SORBS3: variants seen among roughly 807,000 people sequenced by gnomAD.
SORBS3 encodes the protein sorbin and SH3 domain containing 3.
A neutral mutation model predicts 98.0 loss-of-function variants in SORBS3; 69 were observed. The observed-to-expected ratio is 0.70, with a 90% CI of 0.58 to 0.86. The LOEUF (loss-of-function observed/expected upper bound fraction) is 0.86, where lower values mean the gene tolerates loss of function less well. SORBS3 is among the 40% of genes least tolerant of loss of function. The probability of loss-of-function intolerance (pLI) is 0.00; values close to 1 mark genes in which losing one functional copy is unlikely to be tolerated. For synonymous variants in SORBS3, 394 were observed against 355.4 expected, an observed-to-expected ratio of 1.11 and a Z score of -1.22; for missense variants, 954 against 908.5, an observed-to-expected ratio of 1.05 and a Z score of -0.64.
chr8:22,570,679 T>C (rs1187046471), intron 17 of SORBS3, among the ~76,000 whole-genome samples: 1 of 152,142 alleles, frequency 6.6e-6, no homozygotes, highest in Non-Finnish European at 1.5e-5. Flanking sequence ...TGCACACCCG[T>C]TGAGCTTCCA....
chr8:22,571,765 C>A lies in SORBS3; in HGVS notation c.1791C>A (p.Ser597Arg). ...GPALSHSRGPSHPLDLGTSSP... is the reference protein window; with the variant it reads ...GPALSHSRGPRHPLDLGTSSP... ...CTCTGTCCCACTCTCGAGGTCCCAG[C>A]CATCCCCTGGACCTGGGGACCTCCT... The change falls in exon 19 of 21, where the codon AGC (serine) becomes AGA (arginine). Residue 597 changes from serine (S) to arginine (R), a missense_variant. Transcript: ENST00000240123. 6.2e-7 allele frequency: 1 copy of A among 1,613,992 alleles called. No individual in the cohort carries two copies. The highest frequency in any genetic ancestry group is 1.1e-5 in the South Asian group (1 of 91,082).
chr8:22,554,805 C>T lies in SORBS3; in HGVS notation c.103-58C>T, dbSNP rs895716998. ...AGGGGTGTGGGCTGTGCCTAGTAGC[C>T]ATCCCTCCCTCCCGCCCTGCTGGGC... On this transcript the variant is annotated intron_variant, in intron 2 of 20. Coordinates refer to ENST00000240123, the MANE Select transcript of SORBS3 (RefSeq NM_005775.5). The surrounding 1 kb of genome is among the most constrained non-coding windows in gnomAD (Gnocchi z 6.5). 3 of 1,448,732 alleles carry T rather than the reference C, an allele frequency of 2.1e-6. No individual in the cohort carries two copies. The African/African-American group carries it at 4.2e-5, about 20-fold the overall frequency. 89.7% of individuals were successfully genotyped at this position (1,448,732 alleles called of 1,614,324 possible). A position where few individuals can be genotyped will look rare whatever the true frequency, so the allele number is the denominator to read the frequency against.
In SORBS3 at chr8:22,571,188, C is replaced by A. The variant is rs1840573670; in HGVS notation, c.1710C>A (p.Ser570=). Residue 570 remains serine (S), a synonymous_variant, in exon 18 of 21, where the codon TCC becomes TCA. Coordinates refer to ENST00000240123, the MANE Select transcript of SORBS3 (RefSeq NM_005775.5). ...CCTCCCCCCGTCGCACTGGCTTCTC[C>A]TTCCCCACCCAGGAGCCTAGACCCC... The part of the protein sequence containing the change: ...GQTSPRRTGF[S]FPTQEPRPQT... 1.9e-6 allele frequency: 3 copies of A among 1,570,428 alleles called. No individual in the cohort carries two copies. Among genetic ancestry groups the A allele is most frequent in the African/African-American group, 2.7e-5 (2 of 74,446 alleles).
At chr8:22,556,420 G>A (rs956239509) in intron 3 of SORBS3, among the ~76,000 whole-genome samples, 1 of 152,154 alleles carries the variant, frequency 6.6e-6, no homozygotes, top group African/African-American at 2.4e-5. Context: ...CAGCTGGGAT[G>A]TCCCCTGCAT....
At chr8:22,549,605 G>A (rs911660846), upstream of SORBS3, among the ~76,000 whole-genome samples, 3 of 152,176 alleles carry the variant, frequency 2.0e-5, no homozygotes, top group African/African-American at 7.2e-5. Flanking sequence ...AGGCCAGATG[G>A]GCACCACGGA....
In SORBS3 at chr8:22,559,696, C is replaced by T. The variant is rs568914839; in HGVS notation, c.478+1504C>T. 1.1e-4 allele frequency among the ~76,000 whole-genome samples: 16 copies of T among 144,040 alleles called. No individual in the cohort carries two copies. The South Asian group carries it at 3.5e-3, about 32-fold the overall frequency. The allele number at this position is 144,040 out of a possible 152,430, so 94.5% of individuals were successfully genotyped here. ...CCAGCCTGGGCAATAGAGCAAGACGCTGTCTCTAAAAAAAAAAAGAAAAAA... is the reference window on the plus strand; with the variant it reads ...CCAGCCTGGGCAATAGAGCAAGACGTTGTCTCTAAAAAAAAAAAGAAAAAA... On this transcript the variant is annotated intron_variant, in intron 5 of 20. Coordinates refer to ENST00000240123, the MANE Select transcript of SORBS3 (RefSeq NM_005775.5).
At position 22,561,858 on chromosome 8, in the gene SORBS3, T is replaced by G; in HGVS notation, c.518-7T>G. The stretch of plus-strand genomic sequence containing the variant: ...TTCAATGCTTTCCTCGTGTACCTCC[T>G]CTGCAGACCCCAGGCATCTAGGAGC... On this transcript the variant is annotated splice_region_variant and splice_polypyrimidine_tract_variant and intron_variant, in intron 6 of 20. Coordinates refer to ENST00000240123, the MANE Select transcript of SORBS3 (RefSeq NM_005775.5). The G allele has an allele frequency of 1.2e-6, 2 of 1,613,804 alleles. No individual in the cohort carries two copies. Among genetic ancestry groups the G allele is most frequent in the Non-Finnish European group, 1.7e-6 (2 of 1,179,812 alleles).
In SORBS3 at chr8:22,575,525, A is replaced by T. The variant is rs184028803; in HGVS notation, c.*797A>T. 6.5e-6 allele frequency: 1 copy of T among 153,670 alleles called. No individual in the cohort carries two copies. The highest frequency in any genetic ancestry group is 1.9e-4 in the East Asian group (1 of 5,192). The allele number at this position is 153,670 out of a possible 1,614,324, so 9.5% of individuals were successfully genotyped here. ...GTCTCTGCGGCCTTTTCCTTGGGGTAGGGGATGCCTCCTCCTGTCTAGGAG... is the reference window on the plus strand; with the variant it reads ...GTCTCTGCGGCCTTTTCCTTGGGGTTGGGGATGCCTCCTCCTGTCTAGGAG... On this transcript the variant is annotated 3_prime_UTR_variant, in exon 21 of 21. Transcript: ENST00000240123.
intron 17 of SORBS3, among the ~76,000 whole-genome samples, chr8:22,569,717 A>G (rs1840522008): frequency 2.0e-5 from 3 of 152,046 alleles, no homozygotes; most frequent in Admixed American, 6.6e-5. Context: ...CTCTTTCATT[A>G]TGCTTCCTTT....
At chr8:22,551,376 G>A (rs1190343466), upstream of SORBS3, among the ~76,000 whole-genome samples, 1 of 152,000 alleles carries the variant, frequency 6.6e-6, no homozygotes, top group Non-Finnish European at 1.5e-5. The surrounding 1 kb of genome is among the most constrained non-coding windows in gnomAD (Gnocchi z 5.8). Context: ...CCCTCATCTC[G>A]CTCCCGGCCT....
At position 22,565,351 on chromosome 8, in the gene SORBS3, C is replaced by A. The variant is rs766154275; in HGVS notation, c.900C>A (p.Pro300=). The A allele has an allele frequency of 8.4e-6, 13 of 1,551,246 alleles. No homozygotes were observed. In the South Asian group the frequency reaches 1.5e-4, roughly 18 times the overall value. ...LRAIETRLPS[P]KSSPAPRRAP... is the part of the protein sequence containing the mutation. The stretch of plus-strand genomic sequence containing the variant: ...CAATTGAGACCCGACTGCCGTCCCC[C>A]AAGGTACCAGCCCCCAGGGTTCACC... The change falls in exon 11 of 21, where the codon CCC becomes CCA. Residue 300 remains proline, a synonymous_variant. Coordinates refer to ENST00000240123, the MANE Select transcript of SORBS3 (RefSeq NM_005775.5).
intron 3 of SORBS3, among the ~76,000 whole-genome samples, chr8:22,555,742 T>C (rs1840171049): frequency 6.6e-6 from 1 of 152,074 alleles, no homozygotes; most frequent in Non-Finnish European, 1.5e-5. Flanking sequence ...TCCCAGCTAC[T>C]TGGGAGGTTG....
At chr8:22,574,552 C>T in intron 20 of SORBS3, 115 bp from the exon 21 acceptor site, 1 of 985,678 alleles carries the variant, frequency 1.0e-6, no homozygotes, top group South Asian at 1.5e-5. Flanking sequence ...TCTCTGGGCT[C>T]CCCTACAGAA....
chr8:22,557,679 G>A (rs1840211545), intron 4 of SORBS3, among the ~76,000 whole-genome samples: 1 of 152,076 alleles, frequency 6.6e-6, no homozygotes, highest in Non-Finnish European at 1.5e-5. Flanking sequence ...TAGGCAAGGT[G>A]GTGCACGACT....
At chr8:22,546,700 C>G (rs1334787001) in intron 1 of SORBS3, among the ~76,000 whole-genome samples, 1 of 152,176 alleles carries the variant, frequency 6.6e-6, no homozygotes. Flanking sequence ...GCATGTGATC[C>G]TAATAATAGA....
intron 12 of SORBS3, 126 bp from the exon 13 acceptor site, chr8:22,566,219 G>A (rs1840414778): frequency 1.5e-6 from 2 of 1,295,802 alleles, no homozygotes; most frequent in Non-Finnish European, 2.1e-6. Context: ...GAGAGCCCAG[G>A]ACCCGGGAGA....
intron 3 of SORBS3, 64 bp downstream of exon 3, chr8:22,555,044 CCT>C: frequency 1.4e-6 from 2 of 1,391,650 alleles, no homozygotes; most frequent in Non-Finnish European, 2.0e-6. Flanking sequence ...CTGGCACTGC[CCT>C]GTGTCAAGCG....
rs1047994047 is a variant in SORBS3 at position 22,575,053 on chromosome 8, C to T, written c.*325C>T. 5.1e-5 allele frequency: 26 copies of T among 505,470 alleles called. No individual in the cohort carries two copies. Among genetic ancestry groups the T allele is most frequent in the Non-Finnish European group, 9.5e-5 (25 of 263,320 alleles). 31.3% of individuals were successfully genotyped at this position (505,470 alleles called of 1,614,324 possible). On this transcript the variant is annotated 3_prime_UTR_variant, in exon 21 of 21. Coordinates refer to ENST00000240123, the MANE Select transcript of SORBS3 (RefSeq NM_005775.5). ...GTCCCCCACCCCCATCCTGCTCCAG[C>T]GTTTCCTCTAACAGGGACCAGCTCT...
At chr8:22,552,907 C>G (rs778077219) in intron 1 of SORBS3, among the ~76,000 whole-genome samples, 7 of 152,180 alleles carry the variant, frequency 4.6e-5, no homozygotes, top group Non-Finnish European at 8.8e-5. Context: ...AGCTGGGGAG[C>G]TGCTCCTCCT....
Sources: allele counts gnomAD v4.1 joint callset (sites outside exome capture counted in the v4.1 genomes callset), GRCh38; gene constraint gnomAD v4.1.1; non-coding constraint Gnocchi (gnomAD v3.1); transcripts MANE v1.5; gene names NCBI Gene and HGNC (gene_info 2026-07-23, HGNC 2026-07-21).